The following CNTNAP2 variants were observed in gnomAD, a reference collection of about 807,000 sequenced individuals.
CNTNAP2 encodes contactin-associated protein-like 2.
Under a neutral mutation model 155.2 loss-of-function variants are expected in CNTNAP2, and 98 were observed. That is an observed-to-expected ratio of 0.63 (90% confidence interval 0.54 to 0.75). CNTNAP2 has a LOEUF of 0.75. Ranked by LOEUF, CNTNAP2 falls within the 30% of genes least tolerant of loss-of-function variation. The pLI is 0.00. For synonymous variants in CNTNAP2, 651 were observed against 631.2 expected (o/e 1.03, Z -0.47); for missense variants, 1,727 against 1,688.1 (o/e 1.02, Z -0.40).
intron 8 of CNTNAP2, among the ~76,000 whole-genome samples, chr7:147,198,413 G>T (rs555556060): frequency 2.0e-5 from 3 of 152,000 alleles, no homozygotes; most frequent in Non-Finnish European, 4.4e-5. Context: ...TGTATTTTTA[G>T]TAGAGACAGG....
At chr7:146,458,788 G>A (rs776321232) in intron 1 of CNTNAP2, among the ~76,000 whole-genome samples, 1 of 152,102 alleles carries the variant, frequency 6.6e-6, no homozygotes, top group Non-Finnish European at 1.5e-5. Flanking sequence ...TCAGTTGAAA[G>A]CCTGAATCAA....
At chr7:146,252,825 AGATAT>A (rs1002873550) in intron 1 of CNTNAP2, among the ~76,000 whole-genome samples, 22 of 152,194 alleles carry the variant, frequency 1.4e-4, no homozygotes, top group African/African-American at 5.1e-4. Context: ...TTCAAACCAC[AGATAT>A]GATCCAGTTA....
At position 146,116,917 on chromosome 7, in the gene CNTNAP2, T is replaced by C. The variant is rs1283986677; in HGVS notation, c.41T>C (p.Leu14Pro). The C allele has an allele frequency of 1.9e-6, 3 of 1,551,360 alleles. No homozygotes were observed. The highest frequency in any genetic ancestry group is 2.7e-5 in the African/African-American group (2 of 73,164). ...CGCGCCGGCTGCGGGGCAGCGCTCCTGCTGTGGATTGTCAGCAGCTGCCTC... is the reference window on the plus strand; with the variant it reads ...CGCGCCGGCTGCGGGGCAGCGCTCCCGCTGTGGATTGTCAGCAGCTGCCTC... ...APRAGCGAALLLWIVSSCLCR... is the reference protein window; with the variant it reads ...APRAGCGAALPLWIVSSCLCR... Residue 14 changes from leucine to proline, a missense_variant, in exon 1 of 24, where the codon CTG becomes CCG. By Grantham distance (98) the Leu-to-Pro change is moderately conservative (BLOSUM62 -3). Transcript: ENST00000361727. The surrounding 1 kb of genome is among the most constrained non-coding windows in gnomAD (Gnocchi z 5.5).
intron 3 of CNTNAP2, among the ~76,000 whole-genome samples, chr7:146,956,272 T>G (rs1403836109): frequency 6.6e-6 from 1 of 152,152 alleles, no homozygotes; most frequent in Non-Finnish European, 1.5e-5. Context: ...GTTTGTGTAG[T>G]GCATGACCGT....
At position 148,288,673 on chromosome 7, in the gene CNTNAP2, C is replaced by T. The variant is rs561382094; in HGVS notation, c.3475+21547C>T. Among the ~76,000 whole-genome samples the T allele has an allele frequency of 9.2e-5, 14 of 151,976 alleles. No individual in the cohort carries two copies. The East Asian group carries it at 2.3e-3, about 25-fold the overall frequency. On this transcript the variant is annotated intron_variant, in intron 21 of 23. Coordinates refer to ENST00000361727, the MANE Select transcript of CNTNAP2 (RefSeq NM_014141.6). ...ATTATATATTACCTAATAATTTTTACCTATTTTTTGAAAATTGTTCCAATC... is the reference window on the plus strand; with the variant it reads ...ATTATATATTACCTAATAATTTTTATCTATTTTTTGAAAATTGTTCCAATC...
At chr7:147,692,255 C>T (rs369162812) in intron 13 of CNTNAP2, among the ~76,000 whole-genome samples, 79 of 152,174 alleles carry the variant, frequency 5.2e-4, no homozygotes, top group African/African-American at 1.6e-3. Context: ...TATCCACTTA[C>T]CTACTGAAGG....
In CNTNAP2 at chr7:148,069,759, C is replaced by CAA. The variant is rs57389619; in HGVS notation, c.2384-48343_2384-48342dup. Among the ~76,000 whole-genome samples, 296 of 68,930 alleles carry CAA rather than the reference C, an allele frequency of 4.3e-3. 2 individuals carry two copies. Among genetic ancestry groups the CAA allele is most frequent in the African/African-American group, 0.011 (270 of 24,246 alleles). 45.2% of individuals were successfully genotyped at this position (68,930 alleles called of 152,430 possible). On this transcript the variant is annotated intron_variant, in intron 15 of 23. Transcript: ENST00000361727. ...TGGGTGACAGACAAAGACTCCGTCTCAAAAAAAAAAAAAAAAAGAAAGAAA... is the reference window on the plus strand; with the variant it reads ...TGGGTGACAGACAAAGACTCCGTCTCAAAAAAAAAAAAAAAAAAAGAAAGAAA...
At chr7:146,624,162 T>C (rs1415256201) in intron 1 of CNTNAP2, among the ~76,000 whole-genome samples, 1 of 151,818 alleles carries the variant, frequency 6.6e-6, no homozygotes, top group East Asian at 1.9e-4. Flanking sequence ...TTTGGATATA[T>C]GTACCTTATA....
At chr7:147,518,964 G>A (rs892624350) in intron 11 of CNTNAP2, among the ~76,000 whole-genome samples, 2 of 25,844 alleles carry the variant, frequency 7.7e-5, no homozygotes, top group Non-Finnish European at 3.8e-4. Context: ...CCGGGAGGCG[G>A]AGGTTGCAGT....
intron 1 of CNTNAP2, among the ~76,000 whole-genome samples, chr7:146,309,599 C>T (rs1279349836): frequency 1.3e-5 from 2 of 151,924 alleles, no homozygotes; most frequent in East Asian, 1.9e-4. Context: ...GTCAGGAGTT[C>T]GAGACCAGCC....
At chr7:148,023,426 T>C (rs1409059575) in intron 15 of CNTNAP2, among the ~76,000 whole-genome samples, 4 of 152,242 alleles carry the variant, frequency 2.6e-5, no homozygotes, top group Non-Finnish European at 4.4e-5. Flanking sequence ...TCTGTTGTTT[T>C]GTTATAATGA....
chr7:146,836,809 G>T (rs1030362248), intron 2 of CNTNAP2, among the ~76,000 whole-genome samples: 2 of 152,088 alleles, frequency 1.3e-5, no homozygotes, highest in African/African-American at 4.8e-5. Context: ...TAAAAGTGAT[G>T]AATTCTCCCA....
At chr7:146,423,494 T>C (rs1354520961) in intron 1 of CNTNAP2, among the ~76,000 whole-genome samples, 1 of 152,198 alleles carries the variant, frequency 6.6e-6, no homozygotes, top group Non-Finnish European at 1.5e-5. Flanking sequence ...GTTAGAGAGA[T>C]GAATGATTGA....
intron 1 of CNTNAP2, among the ~76,000 whole-genome samples, chr7:146,597,313 A>C (rs923275821): frequency 6.6e-6 from 1 of 151,988 alleles, no homozygotes; most frequent in African/African-American, 2.4e-5. Flanking sequence ...AATATCCGTG[A>C]GCATGTCACC....
At chr7:147,743,574 T>C (rs1401043437) in intron 13 of CNTNAP2, among the ~76,000 whole-genome samples, 1 of 152,208 alleles carries the variant, frequency 6.6e-6, no homozygotes, top group African/African-American at 2.4e-5. Context: ...TTACCCTGCT[T>C]GTCCAGTCAC....
intron 9 of CNTNAP2, among the ~76,000 whole-genome samples, chr7:147,325,932 T>C (rs1349496751): frequency 1.3e-5 from 2 of 150,984 alleles, no homozygotes; most frequent in Non-Finnish European, 3.0e-5. Flanking sequence ...TCTATTTTCC[T>C]TTTTTTTTGA....
At chr7:146,630,642 T>C (rs554322756) in intron 1 of CNTNAP2, among the ~76,000 whole-genome samples, 2 of 152,176 alleles carry the variant, frequency 1.3e-5, no homozygotes, top group African/African-American at 4.8e-5. Flanking sequence ...ACAACATCTG[T>C]TTTTTCCTGA....
intron 13 of CNTNAP2, among the ~76,000 whole-genome samples, chr7:147,824,441 A>T (rs1267292933): frequency 6.6e-6 from 1 of 152,146 alleles, no homozygotes; most frequent in African/African-American, 2.4e-5. Context: ...AGGTGGGGGA[A>T]GTTCCAAATA....
intron 8 of CNTNAP2, among the ~76,000 whole-genome samples, chr7:147,228,352 C>T (rs1425314290): frequency 6.6e-6 from 1 of 151,960 alleles, no homozygotes; most frequent in African/African-American, 2.4e-5. Context: ...TCAGTGGAGG[C>T]TAAAACAGTC....
Sources: gnomAD v4.1 joint callset for allele counts (sites outside exome capture counted in the v4.1 genomes callset) on GRCh38, gnomAD v4.1.1 for gene constraint, Gnocchi (gnomAD v3.1) non-coding constraint, MANE v1.5 for transcripts, NCBI Gene and HGNC (gene_info 2026-07-23, HGNC 2026-07-21) for gene names.